The following NLRP12 variants were observed in gnomAD, a reference collection of about 807,000 sequenced individuals.
NLRP12 encodes NACHT, LRR and PYD domains-containing protein 12.
In NLRP12, 108 loss-of-function variants were observed where a neutral mutation model predicts 91.2. The ratio of observed to expected loss-of-function variants is 1.18; its 90% CI spans 1.01 to 1.39. The LOEUF is 1.39. Among genes scored for constraint, NLRP12 ranks in the 40% most tolerant of loss-of-function variants. The pLI is 0.00. For synonymous variants in NLRP12, 613 were observed against 566.7 expected (o/e 1.08, Z -1.16); for missense variants, 1,530 against 1,352.7 (o/e 1.13, Z -2.06).
chr19:53,805,387 A>C lies in NLRP12; in HGVS notation c.2307T>G (p.Asn769Lys), dbSNP rs774760366. ...CEDLSAALIA[N>K]KNLTRMDLSG... ...TGAGATCCATCCTTGTCAAATTCTT[A>C]TTGGCTATGAGAGCTGCAGAGAGGT... The change falls in exon 5 of 10, where the codon AAT becomes AAG. Residue 769 changes from asparagine to lysine, a missense_variant. Physicochemically the swap from Asn to Lys is moderately conservative, Grantham distance 94. Transcript: ENST00000324134. 1 of 1,613,964 alleles carries C rather than the reference A, an allele frequency of 6.2e-7. No individual in the cohort carries two copies. The highest frequency in any genetic ancestry group is 1.7e-5 in the Admixed American group (1 of 59,960).
rs1568654178 is a variant in NLRP12 at position 53,795,892 on chromosome 19, A to C, written c.3065T>G (p.Leu1022Arg). 1 of 1,614,168 alleles carries C rather than the reference A, an allele frequency of 6.2e-7. No homozygotes were observed. The highest frequency in any genetic ancestry group is 8.5e-7 in the Non-Finnish European group (1 of 1,180,032). The change falls in exon 9 of 10, where the codon CTG becomes CGG. Residue 1022 changes from leucine to arginine, a missense_variant. Transcript: ENST00000324134. ...DTGVRLLCKR[L>R]SHPGCKLRVL... ...TCGGAGTTTGCAGCCAGGATGGCTC[A>C]GCCGCTTGCAAAGCAGTCGGACACC... is the stretch of plus-strand genomic sequence containing the variant.
intron 1 of NLRP12, among the ~76,000 whole-genome samples, chr19:53,816,842 A>G (rs913051619): frequency 1.1e-4 from 16 of 149,050 alleles, no homozygotes; most frequent in African/African-American, 3.7e-4. Context: ...GCACCCGGCC[A>G]CTCAAAAATT....
intron 6 of NLRP12, 41 bp from the exon 7 acceptor site, chr19:53,801,438 C>CTTTCTT (rs758165139): frequency 4.6e-6 from 7 of 1,520,820 alleles, no homozygotes; most frequent in Admixed American, 4.2e-5. Context: ...GGAGGCTTTC[C>CTTTCTT]TTTCTTTTTC....
rs776056868 is a variant in NLRP12 at position 53,810,750 on chromosome 19, GA to G, written c.908del (p.Phe303SerfsTer25). The G allele has an allele frequency of 6.2e-6, 10 of 1,614,032 alleles. No homozygotes were observed. In the East Asian group the frequency reaches 8.9e-5, roughly 14 times the overall value. On this transcript the variant is annotated frameshift_variant, in exon 3 of 10. Coordinates refer to ENST00000324134, the MANE Select transcript of NLRP12 (RefSeq NM_144687.4). LOFTEE classifies it high-confidence loss of function. ...GGCACCAGGGTCCCTGAGGATCGTGGAAAGAAGGCTTGAGCTCATCGAAGCC... is the reference window on the plus strand; with the variant it reads ...GGCACCAGGGTCCCTGAGGATCGTGGAAGAAGGCTTGAGCTCATCGAAGCC... ...IDGFDELKPS[F>X]HDPQGPWCLC...
intron 1 of NLRP12, among the ~76,000 whole-genome samples, chr19:53,822,616 T>C (rs996551355): frequency 5.3e-5 from 8 of 151,296 alleles, no homozygotes; most frequent in Non-Finnish European, 8.8e-5. Flanking sequence ...CAGGTACCTG[T>C]AATCTCAGCT....
intron 1 of NLRP12, among the ~76,000 whole-genome samples, 179 bp downstream of exon 1, chr19:53,823,707 C>T (rs1048223331): frequency 6.6e-6 from 1 of 151,478 alleles, no homozygotes; most frequent in African/African-American, 2.4e-5. Context: ...TACCACCACA[C>T]CTGGCTAATT....
intron 2 of NLRP12, among the ~76,000 whole-genome samples, chr19:53,812,329 C>A (rs532547214): frequency 7.9e-5 from 12 of 151,454 alleles, no homozygotes; most frequent in Middle Eastern, 3.4e-3. Flanking sequence ...GAAATGCAGT[C>A]CCTGGGCTAA....
In NLRP12 at chr19:53,809,908, G is replaced by T; in HGVS notation, c.1751C>A (p.Ser584Ter). 1 of 1,614,034 alleles carries T rather than the reference G, an allele frequency of 6.2e-7. No individual in the cohort carries two copies. The highest frequency in any genetic ancestry group is 8.5e-7 in the Non-Finnish European group (1 of 1,180,034). ...CAACAGGTCCATCTTGATGTGCGGC[G>T]AGACCTTCCAGCAGAGACTCTTCTC... The part of the protein sequence containing the change: ...HLEKSLCWKV[S>*]PHIKMDLLQW... The change falls in exon 3 of 10, where the codon TCG becomes TAG. Residue 584 changes from serine to a stop codon, truncating the protein, a stop_gained. Coordinates refer to ENST00000324134, the MANE Select transcript of NLRP12 (RefSeq NM_144687.4). LOFTEE classifies it high-confidence loss of function.
At chr19:53,805,053 G>A (rs1390983435) in intron 5 of NLRP12, among the ~76,000 whole-genome samples, 1 of 152,072 alleles carries the variant, frequency 6.6e-6, no homozygotes, top group Non-Finnish European at 1.5e-5. Context: ...AAGAGGTGGG[G>A]GATGGCCCCA....
Position 53,819,659 on chromosome 19 carries a change from A to ATATATG in NLRP12, c.289+4226_289+4227insCATATA, listed in dbSNP as rs1568696751. On this transcript the variant is annotated intron_variant, in intron 1 of 9. Transcript: ENST00000324134. Reference sequence around the variant, plus strand: ...TATGTATGTATACGTATATATATACACATGTATACATATATGTATGTATAC... The same window carrying ATATATG: ...TATGTATGTATACGTATATATATACATATATGCATGTATACATATATGTATGTATAC... Among the ~76,000 whole-genome samples, 70 of 29,048 alleles carry ATATATG rather than the reference A, an allele frequency of 2.4e-3. 8 individuals are homozygous for ATATATG. The highest frequency in any genetic ancestry group is 4.5e-3 in the Admixed American group (13 of 2,914). 19.1% of individuals were successfully genotyped at this position (29,048 alleles called of 152,430 possible).
rs2092306393 is a variant in NLRP12 at position 53,823,954 on chromosome 19, A to G, written c.221T>C (p.Leu74Pro). The G allele has an allele frequency of 6.2e-7, 1 of 1,613,988 alleles. No individual in the cohort carries two copies. Among genetic ancestry groups the G allele is most frequent in the African/African-American group, 1.3e-5 (1 of 74,902 alleles). The change falls in exon 1 of 10, where the codon CTC (leucine) becomes CCC (proline). Residue 74 changes from leucine to proline, a missense_variant. By Grantham distance (98) the Leu-to-Pro change is moderately conservative (BLOSUM62 -3). Transcript: ENST00000324134. The stretch of plus-strand genomic sequence containing the variant: ...CCTGTTTATCCGCTCAAAGGTGCTG[A>G]GAGCCAACCTCCAGGCCTCCTCTGG... ...FGPEEAWRLA[L>P]STFERINRKD...
At chr19:53,807,400 C>T (rs536237036) in intron 4 of NLRP12, 95 bp downstream of exon 4, 16 of 1,290,134 alleles carry the variant, frequency 1.2e-5, no homozygotes, top group Middle Eastern at 2.5e-4. Context: ...CCGTAGCCAA[C>T]GAATACACCA....
At chr19:53,819,137 T>C (rs2122748520) in intron 1 of NLRP12, among the ~76,000 whole-genome samples, 1 of 152,246 alleles carries the variant, frequency 6.6e-6, no homozygotes, top group South Asian at 2.1e-4. Context: ...GGGACTTTAC[T>C]TTTGATTCTA....
rs779853148 is a variant in NLRP12 at position 53,794,039 on chromosome 19, A to C, written c.*10T>G. On this transcript the variant is annotated 3_prime_UTR_variant, in exon 10 of 10. Coordinates refer to ENST00000324134, the MANE Select transcript of NLRP12 (RefSeq NM_144687.4). Reference sequence around the variant, plus strand: ...CCAGATCTCAGGGGAGAGCCAGCAGATAGGACCATTCAGCAGCCAATGTCC... The same window carrying C: ...CCAGATCTCAGGGGAGAGCCAGCAGCTAGGACCATTCAGCAGCCAATGTCC... The C allele has an allele frequency of 3.1e-6, 5 of 1,600,860 alleles. No individual in the cohort carries two copies. The Admixed American group carries it at 6.7e-5, about 21-fold the overall frequency.
chr19:53,805,074 A>G (rs2091936121), intron 5 of NLRP12, among the ~76,000 whole-genome samples: 1 of 152,120 alleles, frequency 6.6e-6, no homozygotes, highest in South Asian at 2.1e-4. Flanking sequence ...GGGACTCTTC[A>G]TCATGTAGAA....
At position 53,810,234 on chromosome 19, in the gene NLRP12, T is replaced by G. The variant is rs199475865; in HGVS notation, c.1425A>C (p.Leu475=). The change falls in exon 3 of 10, where the codon CTA becomes CTC. Residue 475 remains leucine, a synonymous_variant. Coordinates refer to ENST00000324134, the MANE Select transcript of NLRP12 (RefSeq NM_144687.4). ...GCTTCCGGAGGTCCTGCTCCTCAAA[T>G]AGGATTTTCTGATTCCAGAGCCCAT... ...AADGLWNQKI[L]FEEQDLRKHG... 6.2e-7 allele frequency: 1 copy of G among 1,614,136 alleles called. No individual in the cohort carries two copies. Among genetic ancestry groups the G allele is most frequent in the South Asian group, 1.1e-5 (1 of 91,080 alleles).
In NLRP12 at chr19:53,794,005, T is replaced by C. The variant is rs765888523; in HGVS notation, c.*44A>G. ...GGGGGGTGATGAGCACCCTCCCATCTTCCTCTGTCCAGATCTCAGGGGAGA... is the reference window on the plus strand; with the variant it reads ...GGGGGGTGATGAGCACCCTCCCATCCTCCTCTGTCCAGATCTCAGGGGAGA... On this transcript the variant is annotated 3_prime_UTR_variant, in exon 10 of 10. Transcript: ENST00000324134. The C allele has an allele frequency of 1.0e-4, 143 of 1,366,164 alleles. 7 individuals are homozygous for C. The South Asian group carries it at 1.7e-3, about 16-fold the overall frequency. The allele number at this position is 1,366,164 out of a possible 1,614,324, so 84.6% of individuals were successfully genotyped here. A position where few individuals can be genotyped will look rare whatever the true frequency, so the allele number is the denominator to read the frequency against.
In NLRP12 at chr19:53,804,088, G is replaced by A. The variant is rs2091917103; in HGVS notation, c.2449C>T (p.Gln817Ter). 1.2e-6 allele frequency: 2 copies of A among 1,613,886 alleles called. No homozygotes were observed. The highest frequency in any genetic ancestry group is 2.7e-5 in the African/African-American group (2 of 74,900). Residue 817 changes from glutamine (Q) to a stop codon, truncating the protein, a stop_gained, in exon 6 of 10, where the codon CAG becomes TAG. Coordinates refer to ENST00000324134, the MANE Select transcript of NLRP12 (RefSeq NM_144687.4). LOFTEE classifies it high-confidence loss of function. ...GTGCCGAGCACAGAAGCCATCTCCTGACAAGCCCCGGACTCCAGCTGACAC... is the reference window on the plus strand; with the variant it reads ...GTGCCGAGCACAGAAGCCATCTCCTAACAAGCCCCGGACTCCAGCTGACAC... Reference protein sequence around the residue: ...RKCQLESGACQEMASVLGTNP... With the variant: ...RKCQLESGAC
rs764381457 is a variant in NLRP12, at chr19:53,810,135, C to T, written c.1524G>A (p.Arg508=). ...NIFQKDINCE[R]YYSFIHLSFQ... ...AACTCAAGTGGATGAAGCTGTAGTA[C>T]CTCTCACAGTTGATGTCCTTCTGGA... Residue 508 remains arginine (R), a synonymous_variant, in exon 3 of 10, where the codon AGG becomes AGA. Transcript: ENST00000324134. The T allele has an allele frequency of 3.7e-6, 6 of 1,614,180 alleles. No individual in the cohort carries two copies. The highest frequency in any genetic ancestry group is 2.2e-5 in the East Asian group (1 of 44,880).
Sources: gnomAD v4.1 joint callset for allele counts (sites outside exome capture counted in the v4.1 genomes callset) on GRCh38, gnomAD v4.1.1 for gene constraint, MANE v1.5 for transcripts, NCBI Gene and HGNC (gene_info 2026-07-23, HGNC 2026-07-21) for gene names.